The following ARFGEF1 variants were observed in gnomAD, a reference collection of about 807,000 sequenced individuals.
ARFGEF1 encodes the protein ARF guanine nucleotide exchange factor 1, also known as brefeldin A-inhibited guanine nucleotide-exchange protein 1.
In ARFGEF1, 42 loss-of-function variants were observed where a neutral mutation model predicts 231.0. The ratio of observed to expected loss-of-function variants is 0.18; its 90% CI spans 0.14 to 0.24. The LOEUF is 0.24. Ranked by LOEUF, ARFGEF1 falls within the 10% of genes least tolerant of loss-of-function variation. The pLI is 1.00. For missense variants in ARFGEF1, 1,345 were observed against 2,192.0 expected (o/e 0.61, Z 7.72); for synonymous variants, 710 against 732.3 (o/e 0.97, Z 0.49).
chr8:67,259,682 A>G, intron 15 of ARFGEF1, 133 bp downstream of exon 15: 2 of 546,052 alleles, frequency 3.7e-6, no homozygotes, highest in South Asian at 2.9e-5. Context: ...TGGGAGGCTG[A>G]GGCAGGAGGA....
rs71249434 is a variant in ARFGEF1, at chr8:67,324,915, C to CTT, written c.124+18247_124+18248dup. Among the ~76,000 whole-genome samples, 603 of 143,570 alleles carry CTT rather than the reference C, an allele frequency of 4.2e-3. 2 individuals carry two copies. The highest frequency in any genetic ancestry group is 0.012 in the East Asian group (58 of 4,922). The allele number at this position is 143,570 out of a possible 152,430, so 94.2% of individuals were successfully genotyped here. On this transcript the variant is annotated intron_variant, in intron 1 of 38. Coordinates refer to ENST00000262215, the MANE Select transcript of ARFGEF1 (RefSeq NM_006421.5). ...AAAGAGCCAGAGAGAAAAAAATCCA[C>CTT]TTTTTTTTTTTTTTTGAGACAGAGT...
chr8:67,265,938 C>T (rs1030313596), intron 14 of ARFGEF1, 68 bp downstream of exon 14: 16 of 1,467,568 alleles, frequency 1.1e-5, no homozygotes, highest in South Asian at 8.2e-5. Context: ...GATAAACCCA[C>T]GGCAGGGGTG....
chr8:67,184,818 G>A lies in ARFGEF1; in HGVS notation c.561-9246C>T, dbSNP rs184117641. On this transcript the variant is annotated intron_variant, in intron 5 of 5. Coordinates refer to the ARFGEF1 transcript ENST00000518789. The stretch of plus-strand genomic sequence containing the variant: ...GGTCCCATGAACGTTAAAAACAGTC[G>A]GCCGGGCACGGTGGCTCAAGCCTGT... Among the ~76,000 whole-genome samples the A allele has an allele frequency of 7.9e-4, 117 of 147,190 alleles. 1 individual carries two copies. The highest frequency in any genetic ancestry group is 2.7e-3 in the African/African-American group (110 of 40,226).
At chr8:67,187,508 C>T (rs1460351771) in intron 5 of ARFGEF1, among the ~76,000 whole-genome samples, 1 of 152,044 alleles carries the variant, frequency 6.6e-6, no homozygotes, top group Non-Finnish European at 1.5e-5. Flanking sequence ...AAAACAACAC[C>T]TTGTCTCTAC....
At chr8:67,266,778 AAT>A in intron 13 of ARFGEF1, 96 bp downstream of exon 13, 1 of 806,956 alleles carries the variant, frequency 1.2e-6, no homozygotes, top group Non-Finnish European at 1.9e-6. Context: ...TAAATGAATA[AAT>A]ATGTCATGAA....
At chr8:67,273,322 T>C (rs1805174126) in intron 9 of ARFGEF1, among the ~76,000 whole-genome samples, 1 of 146,348 alleles carries the variant, frequency 6.8e-6, no homozygotes, top group Non-Finnish European at 1.5e-5. Context: ...TTGAAACTGA[T>C]CTCTTAAGCC....
At chr8:67,238,991 GT>G (rs58721249) in intron 20 of ARFGEF1, 98 bp from the exon 21 acceptor site, 62,884 of 602,958 alleles carry the variant, frequency 0.1, 1,431 homozygotes, top group African/African-American at 0.25. Flanking sequence ...GTAAGATTTT[GT>G]TTTTTTTTTT....
intron 34 of ARFGEF1, chr8:67,207,137 C>CT (rs1451082971): frequency 6.6e-6 from 1 of 152,200 alleles, no homozygotes; most frequent in Non-Finnish European, 1.5e-5. Context: ...ATCTTGTCTT[C>CT]TTAGTCCTTT....
downstream of ARFGEF1, chr8:67,197,552 G>A: frequency 1.1e-6 from 1 of 903,868 alleles, no homozygotes. Flanking sequence ...GAAAATACCA[G>A]AACCAAACAA....
intron 7 of ARFGEF1, among the ~76,000 whole-genome samples, chr8:67,283,383 G>C (rs1805617761): frequency 6.6e-6 from 1 of 152,078 alleles, no homozygotes. Context: ...TTATGGCCCA[G>C]TGATATAATG....
At chr8:67,195,747 A>C (rs549823805), downstream of ARFGEF1, 6 of 616,098 alleles carry the variant, frequency 9.7e-6, no homozygotes, top group Non-Finnish European at 1.7e-5. Flanking sequence ...TATATTATGT[A>C]CATAAATAAA....
chr8:67,179,064 G>A (rs750547145), intron 5 of ARFGEF1, among the ~76,000 whole-genome samples: 2 of 152,204 alleles, frequency 1.3e-5, no homozygotes, highest in Non-Finnish European at 2.9e-5. Context: ...TTAATGGACA[G>A]CTCTTTGCTG....
At chr8:67,182,555 C>T (rs1833320462) in intron 5 of ARFGEF1, among the ~76,000 whole-genome samples, 1 of 152,202 alleles carries the variant, frequency 6.6e-6, no homozygotes, top group South Asian at 2.1e-4. Context: ...TATTTGAAGA[C>T]TCACCACATT....
At chr8:67,251,760 A>G (rs953000485) in intron 18 of ARFGEF1, among the ~76,000 whole-genome samples, 2 of 152,154 alleles carry the variant, frequency 1.3e-5, no homozygotes, top group African/African-American at 4.8e-5. Context: ...GTAGTTGCAC[A>G]ACGTTATGAA....
intron 1 of ARFGEF1, among the ~76,000 whole-genome samples, chr8:67,319,852 AC>A (rs1468678160): frequency 1.3e-5 from 2 of 152,200 alleles, no homozygotes; most frequent in Non-Finnish European, 2.9e-5. Flanking sequence ...CAGTAAAAAA[AC>A]AACGAAATTT....
intron 1 of ARFGEF1, among the ~76,000 whole-genome samples, chr8:67,322,388 A>G (rs1807637769): frequency 6.6e-6 from 1 of 152,198 alleles, no homozygotes; most frequent in African/African-American, 2.4e-5. Context: ...AAATCCATTC[A>G]TCCTTCTAGA....
chr8:67,292,058 T>C lies in ARFGEF1; in HGVS notation c.705A>G (p.Pro235=). Residue 235 remains proline (P), a synonymous_variant, in exon 6 of 39, where the codon CCA becomes CCG. Coordinates refer to ENST00000262215, the MANE Select transcript of ARFGEF1 (RefSeq NM_006421.5). ...HRQHHHLLQS[P]VSHHEPESPQ... ...GTGATTCAGGCTCGTGATGGCTTACTGGAGACTGTAACAGATGATGATGCT... is the reference window on the plus strand; with the variant it reads ...GTGATTCAGGCTCGTGATGGCTTACCGGAGACTGTAACAGATGATGATGCT... The C allele has an allele frequency of 6.2e-7, 1 of 1,613,986 alleles. No homozygotes were observed. The highest frequency in any genetic ancestry group is 8.5e-7 in the Non-Finnish European group (1 of 1,179,866).
chr8:67,242,806 C>A (rs1332304649), intron 19 of ARFGEF1, among the ~76,000 whole-genome samples: 1 of 152,180 alleles, frequency 6.6e-6, no homozygotes, highest in Non-Finnish European at 1.5e-5. Context: ...AAGGGTGAGT[C>A]CCGGCCTGGC....
chr8:67,269,321 T>G (rs568841960), intron 10 of ARFGEF1, among the ~76,000 whole-genome samples: 2 of 152,106 alleles, frequency 1.3e-5, no homozygotes, highest in East Asian at 3.9e-4. Context: ...AAATTTAGGT[T>G]TTCATAGCTG....
Sources: allele counts gnomAD v4.1 joint callset (sites outside exome capture counted in the v4.1 genomes callset), GRCh38; gene constraint gnomAD v4.1.1; transcripts MANE v1.5; gene names NCBI Gene and HGNC (gene_info 2026-07-23, HGNC 2026-07-21).